The following HLA-DPB1 variants were observed in gnomAD, a reference collection of about 807,000 sequenced individuals.
The protein encoded by HLA-DPB1 is major histocompatibility complex, class II, DP beta 1.
In HLA-DPB1, 30 loss-of-function variants were observed where a neutral mutation model predicts 29.4. The ratio of observed to expected loss-of-function variants is 1.02; its 90% CI spans 0.76 to 1.38. The LOEUF is 1.38. Ranked by LOEUF, HLA-DPB1 falls within the 40% of genes most tolerant of loss-of-function variation. The probability of loss-of-function intolerance (pLI) is 0.00; values close to 1 mark genes in which losing one functional copy is unlikely to be tolerated. For missense variants in HLA-DPB1, 261 were observed against 327.5 expected (o/e 0.80, Z 1.57); for synonymous variants, 114 against 134.0 (o/e 0.85, Z 1.03).
In HLA-DPB1 at chr6:33,080,068, T is replaced by C. The variant is rs1762754641; in HGVS notation, c.101-604T>C. Among the ~76,000 whole-genome samples the C allele has an allele frequency of 6.6e-6, 1 of 152,218 alleles. No individual in the cohort carries two copies. On this transcript the variant is annotated intron_variant, in intron 1 of 5. Coordinates refer to ENST00000418931, the MANE Select transcript of HLA-DPB1 (RefSeq NM_002121.6). The surrounding 1 kb of genome is among the most constrained non-coding windows in gnomAD (Gnocchi z 4.3). ...AATTAACTTTCAGGCTACAGAGTCT[T>C]TCTTATACCAAAGTTGAAGAAAGTT...
In HLA-DPB1 at chr6:33,080,683, T is replaced by A; in HGVS notation, c.112T>A (p.Phe38Ile). ...CCCCCTCCCCGCAGAGAATTACCTT[T>A]TCCAGGGACGGCAGGAATGCTACGC... ...QGRATPENYL[F>I]QGRQECYAFN... is the part of the protein sequence containing the mutation. Residue 38 changes from phenylalanine (F) to isoleucine (I), a missense_variant, in exon 2 of 6, where the codon TTC (phenylalanine) becomes ATC (isoleucine). Physicochemically the swap from Phe to Ile is conservative, Grantham distance 21 (BLOSUM62 0). Transcript: ENST00000418931. The surrounding 1 kb of genome is among the most constrained non-coding windows in gnomAD (Gnocchi z 4.3). 1 of 1,612,336 alleles carries A rather than the reference T, an allele frequency of 6.2e-7. No homozygotes were observed. The highest frequency in any genetic ancestry group is 1.1e-5 in the South Asian group (1 of 91,004).
In HLA-DPB1 at chr6:33,086,169, C is replaced by G. The variant is rs535493344; in HGVS notation, c.758-50C>G. 149 of 1,445,274 alleles carry G rather than the reference C, an allele frequency of 1.0e-4. 3 individuals are homozygous for G. The highest frequency in any genetic ancestry group is 1.3e-4 in the Non-Finnish European group (133 of 1,030,282). The allele number at this position is 1,445,274 out of a possible 1,614,324, so 89.5% of individuals were successfully genotyped here. A position where few individuals can be genotyped will look rare whatever the true frequency, so the allele number is the denominator to read the frequency against. On this transcript the variant is annotated intron_variant, in intron 4 of 5. Coordinates refer to ENST00000418931, the MANE Select transcript of HLA-DPB1 (RefSeq NM_002121.6). ...GGGATGGAAATGTTTCTCTAATTAT[C>G]TGAGGTGGTTTCAATGGCTGATTAT... is the stretch of plus-strand genomic sequence containing the variant.
intron 1 of HLA-DPB1, among the ~76,000 whole-genome samples, chr6:33,077,254 C>A (rs957302753): frequency 1.3e-5 from 2 of 151,960 alleles, no homozygotes; most frequent in African/African-American, 4.8e-5. Context: ...TGAACTCATC[C>A]TTTTTTATGG....
chr6:33,085,854 G>C lies in HLA-DPB1; in HGVS notation c.722G>C (p.Gly241Ala), dbSNP rs772967195. ...GGFVLGLIIC[G>A]VGIFMHRRSK... ...TTCGTGCTGGGGCTCATCATCTGTGGAGTGGGCATCTTCATGCACAGGAGG... is the reference window on the plus strand; with the variant it reads ...TTCGTGCTGGGGCTCATCATCTGTGCAGTGGGCATCTTCATGCACAGGAGG... Residue 241 changes from glycine (G) to alanine (A), a missense_variant, in exon 4 of 6, where the codon GGA becomes GCA. By Grantham distance (60) the Gly-to-Ala change is moderately conservative. Transcript: ENST00000418931. The C allele has an allele frequency of 1.9e-6, 3 of 1,613,916 alleles. No homozygotes were observed. The highest frequency in any genetic ancestry group is 2.2e-5 in the South Asian group (2 of 91,050).
At chr6:33,078,900 C>T (rs1182235733) in intron 1 of HLA-DPB1, among the ~76,000 whole-genome samples, 4 of 152,082 alleles carry the variant, frequency 2.6e-5, no homozygotes, top group African/African-American at 7.2e-5. Context: ...CAGGCAGGGG[C>T]GGATGGATGG....
intron 2 of HLA-DPB1, among the ~76,000 whole-genome samples, chr6:33,084,383 C>T (rs991225295): frequency 7.9e-6 from 1 of 126,926 alleles, no homozygotes; most frequent in African/African-American, 3.6e-5. Context: ...GCATGCTCTA[C>T]TTGAAGGTCT....
rs1468583765 is a variant in HLA-DPB1, at chr6:33,080,075, A to G, written c.101-597A>G. 6.6e-6 allele frequency among the ~76,000 whole-genome samples: 1 copy of G among 152,198 alleles called. No individual in the cohort carries two copies. The highest frequency in any genetic ancestry group is 1.9e-4 in the East Asian group (1 of 5,200). ...TTTCAGGCTACAGAGTCTTTCTTAT[A>G]CCAAAGTTGAAGAAAGTTTTAAGAA... On this transcript the variant is annotated intron_variant, in intron 1 of 5. Coordinates refer to ENST00000418931, the MANE Select transcript of HLA-DPB1 (RefSeq NM_002121.6). This position sits in a 1 kb window ranked among gnomAD's most constrained non-coding sequence, Gnocchi z 4.3.
At chr6:33,079,909 A>C (rs1324172649) in intron 1 of HLA-DPB1, 1 of 233,142 alleles carries the variant, frequency 4.3e-6, no homozygotes, top group East Asian at 4.4e-4. Flanking sequence ...AAAAACTGCC[A>C]AAAAAAATTA....
chr6:33,085,627 G>A, intron 3 of HLA-DPB1, 152 bp from the exon 4 acceptor site: 1 of 665,238 alleles, frequency 1.5e-6, no homozygotes, highest in Non-Finnish European at 2.7e-6. Context: ...CCAGATATGA[G>A]GGTGGCTCTT....
chr6:33,088,699 A>G lies in HLA-DPB1; in HGVS notation c.*2165A>G, dbSNP rs1416489793. 6.6e-6 allele frequency among the ~76,000 whole-genome samples: 1 copy of G among 152,166 alleles called. No individual in the cohort carries two copies. The highest frequency in any genetic ancestry group is 1.5e-5 in the Non-Finnish European group (1 of 68,018). On this transcript the variant is annotated 3_prime_UTR_variant, in exon 6 of 6. Transcript: ENST00000418931. ...AGAGTCAGGCCCTTTGCTGAGTGCTATGTGCAGCAGGATCAAAGGCAGCCA... is the reference window on the plus strand; with the variant it reads ...AGAGTCAGGCCCTTTGCTGAGTGCTGTGTGCAGCAGGATCAAAGGCAGCCA...
In HLA-DPB1 at chr6:33,080,922, C is replaced by T; in HGVS notation, c.351C>T (p.Thr117=). 6.3e-7 allele frequency: 1 copy of T among 1,594,740 alleles called. No individual in the cohort carries two copies. Among genetic ancestry groups the T allele is most frequent in the Non-Finnish European group, 8.5e-7 (1 of 1,171,278 alleles). ...ACTACGAGCTGGGCGGGCCCATGAC[C>T]CTGCAGCGCCGAGGTGAGTGAGGGC... ...RHNYELGGPM[T]LQRRVQPRVN... Residue 117 remains threonine, a synonymous_variant, in exon 2 of 6, where the codon ACC becomes ACT. Transcript: ENST00000418931. This position sits in a 1 kb window ranked among gnomAD's most constrained non-coding sequence, Gnocchi z 4.3.
intron 2 of HLA-DPB1, among the ~76,000 whole-genome samples, chr6:33,082,958 G>GCCTCT (rs1312299674): frequency 6.6e-6 from 1 of 152,216 alleles, no homozygotes; most frequent in East Asian, 1.9e-4. Flanking sequence ...TGAGCAAGAT[G>GCCTCT]CCTCTCGTGG....
In HLA-DPB1 at chr6:33,076,254, G is replaced by C. The variant is rs140768194; in HGVS notation, c.100+113G>C. On this transcript the variant is annotated intron_variant, in intron 1 of 5. Transcript: ENST00000418931. ...AGGCTGCGGGGGCTCCTGCCCTAAG[G>C]CAGTGTCCTCTCTTCCCAGCTAGAG... The C allele has an allele frequency of 2.0e-3, 1,386 of 697,066 alleles. 14 individuals are homozygous for C. The highest frequency in any genetic ancestry group is 0.012 in the East Asian group (429 of 36,862). The allele number at this position is 697,066 out of a possible 1,614,324, so 43.2% of individuals were successfully genotyped here.
chr6:33,086,809 A>G lies in HLA-DPB1; in HGVS notation c.*275A>G, dbSNP rs932. 0.24 allele frequency: 69,352 copies of G among 295,108 alleles called. 13,248 individuals are homozygous for G. The highest frequency in any genetic ancestry group is 0.55 in the African/African-American group (23,620 of 43,198). 18.3% of individuals were successfully genotyped at this position (295,108 alleles called of 1,614,324 possible). A position where few individuals can be genotyped will look rare whatever the true frequency, so the allele number is the denominator to read the frequency against. ...TTCCTTTAAAAATATGCACCAAATC[A>G]TCTCTCATCACTTTTCTCTGAGGGT... is the stretch of plus-strand genomic sequence containing the variant. On this transcript the variant is annotated 3_prime_UTR_variant, in exon 6 of 6. Coordinates refer to ENST00000418931, the MANE Select transcript of HLA-DPB1 (RefSeq NM_002121.6).
At position 33,076,024 on chromosome 6, in the gene HLA-DPB1, C is replaced by G. The variant is rs763673115; in HGVS notation, c.-18C>G. 1.2e-4 allele frequency: 187 copies of G among 1,596,330 alleles called. No individual in the cohort carries two copies. Among genetic ancestry groups the G allele is most frequent in the Non-Finnish European group, 1.5e-4 (178 of 1,167,738 alleles). ...CCTGACTGCAGCTCTTTTCATTTTGCCATCCTTTTCCAGCTCCATGATGGT... is the reference window on the plus strand; with the variant it reads ...CCTGACTGCAGCTCTTTTCATTTTGGCATCCTTTTCCAGCTCCATGATGGT... On this transcript the variant is annotated 5_prime_UTR_variant, in exon 1 of 6. Transcript: ENST00000418931.
At chr6:33,085,355 C>A in intron 3 of HLA-DPB1, 124 bp downstream of exon 3, 1 of 827,610 alleles carries the variant, frequency 1.2e-6, no homozygotes, top group Non-Finnish European at 1.9e-6. Context: ...CATCTTTCTT[C>A]TATACCAGCT....
At chr6:33,084,022 T>C (rs1472668483) in intron 2 of HLA-DPB1, 3 of 141,820 alleles carry the variant, frequency 2.1e-5, no homozygotes, top group African/African-American at 5.6e-5. Flanking sequence ...TCTGTAAATA[T>C]GAAGATTTTG....
In HLA-DPB1 at chr6:33,080,853, C is replaced by A; in HGVS notation, c.282C>A (p.Ile94=). 1 of 1,613,536 alleles carries A rather than the reference C, an allele frequency of 6.2e-7. No individual in the cohort carries two copies. The highest frequency in any genetic ancestry group is 8.5e-7 in the Non-Finnish European group (1 of 1,179,840). ...AAEYWNSQKD[I]LEEKRAVPDR... ...AGTACTGGAACAGCCAGAAGGACAT[C>A]CTGGAGGAGAAGCGGGCAGTGCCGG... The change falls in exon 2 of 6, where the codon ATC becomes ATA. Residue 94 remains isoleucine (I), a synonymous_variant. Transcript: ENST00000418931. The surrounding 1 kb of genome is among the most constrained non-coding windows in gnomAD (Gnocchi z 4.3).
chr6:33,084,278 G>A (rs530663137), intron 2 of HLA-DPB1, among the ~76,000 whole-genome samples: 36 of 152,230 alleles, frequency 2.4e-4, no homozygotes, highest in Middle Eastern at 6.8e-3. Context: ...AATTACTTTT[G>A]GTTAAAATTT....
Sources: allele counts gnomAD v4.1 joint callset (sites outside exome capture counted in the v4.1 genomes callset), GRCh38; gene constraint gnomAD v4.1.1; non-coding constraint Gnocchi (gnomAD v3.1); transcripts MANE v1.5; gene names NCBI Gene and HGNC (gene_info 2026-07-23, HGNC 2026-07-21).